Variants in SH3BGRL2 observed in about 807,000 individuals in gnomAD.
SH3BGRL2 encodes SH3 domain-binding glutamic acid-rich-like protein 2.
In SH3BGRL2, 21 loss-of-function variants were observed where a neutral mutation model predicts 14.8. That is an observed-to-expected ratio of 1.42 (90% CI 1.01 to 2.05). SH3BGRL2 has a LOEUF of 2.05. Ranked by LOEUF, SH3BGRL2 falls within the 30% of genes most tolerant of loss-of-function variation. SH3BGRL2 has a pLI of 0.00. For synonymous variants in SH3BGRL2, 50 were observed against 47.8 expected, an observed-to-expected ratio of 1.05 and a Z score of -0.19; for missense variants, 147 against 130.8, an observed-to-expected ratio of 1.12 and a Z score of -0.61.
At chr6:79,666,044 C>G (rs1370520717) in intron 1 of SH3BGRL2, among the ~76,000 whole-genome samples, 3 of 152,164 alleles carry the variant, frequency 2.0e-5, no homozygotes, top group African/African-American at 4.8e-5. Context: ...GCCCTGCTCC[C>G]CAACAATGAG....
the SH3BGRL2 span, among the ~76,000 whole-genome samples, chr6:79,559,111 G>A: frequency 6.6e-6 from 1 of 152,124 alleles, no homozygotes; most frequent in African/African-American, 2.4e-5. Context: ...TTTTTCCACT[G>A]TATAGTTACC....
chr6:79,544,462 C>T, the SH3BGRL2 span, among the ~76,000 whole-genome samples: 1 of 152,222 alleles, frequency 6.6e-6, no homozygotes, highest in East Asian at 1.9e-4. Flanking sequence ...ATTTTGCAAG[C>T]CAATTGATGT....
At chr6:79,656,728 G>A (rs1769426142) in intron 1 of SH3BGRL2, among the ~76,000 whole-genome samples, 1 of 152,180 alleles carries the variant, frequency 6.6e-6, no homozygotes, top group African/African-American at 2.4e-5. Context: ...AGAGTATAAG[G>A]GAGGATATGT....
In SH3BGRL2 at chr6:79,669,452, C is replaced by CTTTTTT. The variant is rs66477199; in HGVS notation, c.46-4148_46-4143dup. Reference sequence around the variant, plus strand: ...CTCCTGGCCTTGGGGAATTTATATTCTTTTTTTTTTTTTTTTTTTGAGACA... The same window carrying CTTTTTT: ...CTCCTGGCCTTGGGGAATTTATATTCTTTTTTTTTTTTTTTTTTTTTTTTTGAGACA... On this transcript the variant is annotated intron_variant, in intron 1 of 3. Transcript: ENST00000369838. Among the ~76,000 whole-genome samples, 5 of 122,960 alleles carry CTTTTTT rather than the reference C, an allele frequency of 4.1e-5. 1 individual carries two copies. Among genetic ancestry groups the CTTTTTT allele is most frequent in the East Asian group, 4.8e-4 (2 of 4,172 alleles). The allele number at this position is 122,960 out of a possible 152,430, so 80.7% of individuals were successfully genotyped here.
the SH3BGRL2 span, among the ~76,000 whole-genome samples, chr6:79,584,069 A>T: frequency 8.5e-5 from 13 of 152,330 alleles, no homozygotes; most frequent in African/African-American, 2.9e-4. Flanking sequence ...TAGTGAATGA[A>T]AATAGTCTTG....
the SH3BGRL2 span, among the ~76,000 whole-genome samples, chr6:79,618,489 C>T: frequency 0.31 from 47,639 of 151,948 alleles, 7,790 homozygotes; most frequent in Middle Eastern, 0.46. Context: ...CGGCGGATCA[C>T]GAGGTCAGGA....
the SH3BGRL2 span, among the ~76,000 whole-genome samples, chr6:79,591,370 T>C: frequency 6.6e-6 from 1 of 152,318 alleles, no homozygotes; most frequent in Admixed American, 6.5e-5. Context: ...CCTATTCTTC[T>C]ACCTTCTCTT....
the SH3BGRL2 span, among the ~76,000 whole-genome samples, chr6:79,544,985 T>C: frequency 7.9e-5 from 12 of 152,260 alleles, no homozygotes; most frequent in Admixed American, 7.8e-4. Context: ...CAGAAACTAC[T>C]GCTTGAGTAG....
the SH3BGRL2 span, among the ~76,000 whole-genome samples, chr6:79,608,947 C>A: frequency 6.6e-6 from 1 of 152,196 alleles, no homozygotes; most frequent in Non-Finnish European, 1.5e-5. Flanking sequence ...CCTATACTAA[C>A]AATGTGGCAA....
chr6:79,588,289 T>TA, the SH3BGRL2 span, among the ~76,000 whole-genome samples: 20,581 of 123,950 alleles, frequency 0.17, 1,969 homozygotes, highest in Non-Finnish European at 0.19. Context: ...AGACTCTGTC[T>TA]AAAAAAAAAA....
chr6:79,660,938 T>A (rs1231588164), intron 1 of SH3BGRL2, among the ~76,000 whole-genome samples: 1 of 152,234 alleles, frequency 6.6e-6, no homozygotes, highest in Non-Finnish European at 1.5e-5. Context: ...GAGGTGTTTA[T>A]AGTATTCTCT....
chr6:79,562,736 GGAA>G, the SH3BGRL2 span, among the ~76,000 whole-genome samples: 7 of 152,128 alleles, frequency 4.6e-5, no homozygotes, highest in African/African-American at 1.2e-4. Context: ...GGGCCACATT[GGAA>G]GAAGAATTGT....
At chr6:79,600,203 C>A in the SH3BGRL2 span, among the ~76,000 whole-genome samples, 2 of 152,242 alleles carry the variant, frequency 1.3e-5, no homozygotes. Context: ...TGTGCTAATT[C>A]TGCCCATTGC....
At chr6:79,557,028 CA>C in the SH3BGRL2 span, among the ~76,000 whole-genome samples, 4 of 151,302 alleles carry the variant, frequency 2.6e-5, no homozygotes, top group African/African-American at 9.7e-5. Context: ...TCTGGAAATC[CA>C]AAATATATAT....
chr6:79,677,148 C>T (rs1461039536), intron 2 of SH3BGRL2, among the ~76,000 whole-genome samples: 1 of 152,198 alleles, frequency 6.6e-6, no homozygotes, highest in Non-Finnish European at 1.5e-5. Context: ...TCACCTGCTT[C>T]TGTGCACCTT....
chr6:79,586,961 G>A, the SH3BGRL2 span, among the ~76,000 whole-genome samples: 48 of 152,148 alleles, frequency 3.2e-4, no homozygotes, highest in African/African-American at 9.6e-4. Flanking sequence ...GCCAGGGAGC[G>A]GATTAAAAAT....
chr6:79,698,426 C>T (rs1224520608), intron 3 of SH3BGRL2, among the ~76,000 whole-genome samples: 2 of 152,086 alleles, frequency 1.3e-5, no homozygotes, highest in East Asian at 3.9e-4. Flanking sequence ...AGATGAAAGC[C>T]CTGTTTTCTC....
Position 79,696,570 on chromosome 6 carries a change from G to A in SH3BGRL2, c.312+5G>A. On this transcript the variant is annotated splice_donor_5th_base_variant and intron_variant, in intron 3 of 3. Coordinates refer to ENST00000369838, the MANE Select transcript of SH3BGRL2 (RefSeq NM_031469.4). ...AAACCACGGTTGGCATCAAAGGTAG[G>A]TAAATCTTTTCTTATTCTTGTTTTA... 6.5e-7 allele frequency: 1 copy of A among 1,548,770 alleles called. No individual in the cohort carries two copies. The highest frequency in any genetic ancestry group is 8.7e-7 in the Non-Finnish European group (1 of 1,154,322).
At chr6:79,606,536 G>C in the SH3BGRL2 span, among the ~76,000 whole-genome samples, 1 of 152,110 alleles carries the variant, frequency 6.6e-6, no homozygotes, top group Non-Finnish European at 1.5e-5. Flanking sequence ...TGCCTGGCTG[G>C]CTGGCTGGCA....
Sources: allele counts gnomAD v4.1 joint callset (sites outside exome capture counted in the v4.1 genomes callset), GRCh38; gene constraint gnomAD v4.1.1; transcripts MANE v1.5; gene names NCBI Gene and HGNC (gene_info 2026-07-23, HGNC 2026-07-21).